The following SGSM1 variants were observed in gnomAD, a reference collection of about 807,000 sequenced individuals.
SGSM1 encodes RUN and TBC1 domain containing 2.
In SGSM1, 73 loss-of-function variants were observed where a neutral mutation model predicts 133.8. The ratio of observed to expected loss-of-function variants is 0.55; its 90% CI spans 0.45 to 0.66. The LOEUF (loss-of-function observed/expected upper bound fraction) is 0.66. Ranked by LOEUF, SGSM1 falls within the 30% of genes least tolerant of loss-of-function variation. The pLI is 0.00. For missense variants in SGSM1, 1,213 were observed against 1,448.1 expected, an observed-to-expected ratio of 0.84 and a Z score of 2.64; for synonymous variants, 563 against 573.0, an observed-to-expected ratio of 0.98 and a Z score of 0.25.
chr22:24,863,698 G>C (rs537808043), intron 9 of SGSM1, among the ~76,000 whole-genome samples: 30 of 152,102 alleles, frequency 2.0e-4, no homozygotes, highest in Admixed American at 1.2e-3. Context: ...ATGAAATGGG[G>C]TGGTTTTTGT....
chr22:24,893,363 C>T (rs1020724122), intron 16 of SGSM1, 68 bp from the exon 17 acceptor site: 12 of 1,543,962 alleles, frequency 7.8e-6, no homozygotes, highest in African/African-American at 1.4e-5. Context: ...CTCTCTTCCA[C>T]GTTGGTCTGG....
rs557230698 is a variant in SGSM1 at position 24,835,090 on chromosome 22, G to C, written c.64-9807G>C. On this transcript the variant is annotated intron_variant, in intron 2 of 24. Transcript: ENST00000400358. The stretch of plus-strand genomic sequence containing the variant: ...ACTCTTTTCATACCTGCTCCATACT[G>C]CCCTTGGTGGTGATGTTTCCCCCTG... Among the ~76,000 whole-genome samples, 9 of 152,180 alleles carry C rather than the reference G, an allele frequency of 5.9e-5. No homozygotes were observed. The East Asian group carries it at 1.5e-3, about 26-fold the overall frequency.
At chr22:24,910,406 C>T (rs1298728991) in intron 21 of SGSM1, among the ~76,000 whole-genome samples, 1 of 152,120 alleles carries the variant, frequency 6.6e-6, no homozygotes, top group Non-Finnish European at 1.5e-5. Context: ...ATAATCCTAG[C>T]ACTTTGGGAG....
At chr22:24,833,052 A>C (rs1212915761) in intron 2 of SGSM1, among the ~76,000 whole-genome samples, 2 of 151,598 alleles carry the variant, frequency 1.3e-5, no homozygotes, top group African/African-American at 4.9e-5. Context: ...CTCCTGCCTC[A>C]GCCTCCCGAG....
At chr22:24,917,780 T>C (rs1249737018) in intron 23 of SGSM1, 26 bp downstream of exon 23, 1 of 1,588,484 alleles carries the variant, frequency 6.3e-7, no homozygotes, top group East Asian at 2.2e-5. Flanking sequence ...TGGGGACCTG[T>C]GTCCAGACTC....
intron 2 of SGSM1, among the ~76,000 whole-genome samples, chr22:24,819,888 G>C (rs1436635453): frequency 6.6e-6 from 1 of 152,156 alleles, no homozygotes; most frequent in Non-Finnish European, 1.5e-5. Flanking sequence ...TCCGTTTTCT[G>C]CAGCTGCCCA....
chr22:24,808,153 G>A, intron 2 of SGSM1, among the ~76,000 whole-genome samples: 1 of 130,610 alleles, frequency 7.7e-6, no homozygotes, highest in South Asian at 2.5e-4. Flanking sequence ...TCGCTCTGTT[G>A]CCCAGGATAG....
At chr22:24,851,740 A>C (rs967990969) in intron 5 of SGSM1, among the ~76,000 whole-genome samples, 1 of 152,184 alleles carries the variant, frequency 6.6e-6, no homozygotes, top group Admixed American at 6.5e-5. Flanking sequence ...TGGTCAGGGA[A>C]AGTGTCCTGG....
At chr22:24,852,605 G>A (rs75839661) in intron 5 of SGSM1, among the ~76,000 whole-genome samples, 2,431 of 152,096 alleles carry the variant, frequency 0.016, 75 homozygotes, top group African/African-American at 0.055. Context: ...CACCACTCCT[G>A]GCTAATTTAG....
chr22:24,867,803 T>C lies in SGSM1; in HGVS notation c.995-573T>C, dbSNP rs1040718201. ...CCTTTTACATGAGACAGACCTGGATTCAGACCCAGACTCTGCCATTGATCA... is the reference window on the plus strand; with the variant it reads ...CCTTTTACATGAGACAGACCTGGATCCAGACCCAGACTCTGCCATTGATCA... On this transcript the variant is annotated intron_variant, in intron 10 of 24. Coordinates refer to ENST00000400358, the MANE Select transcript of SGSM1 (RefSeq NM_001098497.3). Among the ~76,000 whole-genome samples the C allele has an allele frequency of 5.7e-4, 87 of 152,188 alleles. 2 individuals carry two copies. Among genetic ancestry groups the C allele is most frequent in the African/African-American group, 2.1e-3 (86 of 41,440 alleles).
At chr22:24,908,198 A>G (rs1174058771) in intron 21 of SGSM1, among the ~76,000 whole-genome samples, 1 of 152,184 alleles carries the variant, frequency 6.6e-6, no homozygotes, top group African/African-American at 2.4e-5. Context: ...CTTACCTCAC[A>G]CCACATACAA....
chr22:24,895,916 G>A (rs932580556), intron 18 of SGSM1, among the ~76,000 whole-genome samples: 1 of 152,020 alleles, frequency 6.6e-6, no homozygotes, highest in East Asian at 1.9e-4. Flanking sequence ...GGGCATGGTG[G>A]TGCGTGCCTG....
chr22:24,897,730 A>G (rs1400834343), intron 18 of SGSM1, among the ~76,000 whole-genome samples: 4 of 152,158 alleles, frequency 2.6e-5, no homozygotes, highest in African/African-American at 9.7e-5. Flanking sequence ...TGGCCTCCCA[A>G]AGTTCTGGGA....
At chr22:24,894,534 G>A (rs1313536163) in intron 17 of SGSM1, among the ~76,000 whole-genome samples, 1 of 152,236 alleles carries the variant, frequency 6.6e-6, no homozygotes, top group Non-Finnish European at 1.5e-5. Flanking sequence ...CAGCTGGCAA[G>A]TTCTGTTCTT....
intron 15 of SGSM1, among the ~76,000 whole-genome samples, chr22:24,884,680 A>G (rs1932506940): frequency 6.6e-6 from 1 of 152,222 alleles, no homozygotes; most frequent in East Asian, 1.9e-4. Context: ...ATGTGAATAG[A>G]TGAGGGGGAA....
chr22:24,874,342 C>T (rs1296542580), intron 12 of SGSM1: 1 of 1,486,548 alleles, frequency 6.7e-7, no homozygotes, highest in East Asian at 2.4e-5. Flanking sequence ...GAAACTGGCT[C>T]TTCCAGCTGT....
intron 2 of SGSM1, among the ~76,000 whole-genome samples, chr22:24,828,181 A>G (rs1390662612): frequency 6.6e-6 from 1 of 152,026 alleles, no homozygotes; most frequent in Admixed American, 6.6e-5. Context: ...CAGATGACCC[A>G]GTACTGGGTG....
chr22:24,895,346 G>T, intron 18 of SGSM1, 55 bp downstream of exon 18: 1 of 1,559,334 alleles, frequency 6.4e-7, no homozygotes, highest in East Asian at 2.3e-5. Context: ...TTCTGCCTGG[G>T]GTCATGGGGG....
intron 2 of SGSM1, among the ~76,000 whole-genome samples, chr22:24,829,795 G>C (rs1444817685): frequency 2.0e-5 from 3 of 152,188 alleles, no homozygotes; most frequent in Non-Finnish European, 2.9e-5. Context: ...AACGTAGTGA[G>C]TGTCCAGAAA....
Sources: allele counts gnomAD v4.1 joint callset (sites outside exome capture counted in the v4.1 genomes callset), GRCh38; gene constraint gnomAD v4.1.1; transcripts MANE v1.5; gene names NCBI Gene and HGNC (gene_info 2026-07-23, HGNC 2026-07-21).